The following MBTD1 variants were observed in gnomAD, a reference collection of about 807,000 sequenced individuals.
MBTD1 encodes the protein mbt domain containing 1.
In MBTD1, 24 loss-of-function variants were observed where a neutral mutation model predicts 87.8. The observed-to-expected ratio is 0.27, with a 90% CI of 0.20 to 0.38. The LOEUF (loss-of-function observed/expected upper bound fraction) is 0.38, where lower values mean the gene tolerates loss of function less well. MBTD1 is among the 10% of genes least tolerant of loss of function. The pLI is 1.00. For synonymous variants in MBTD1, 237 were observed against 248.6 expected (o/e 0.95, Z 0.44); for missense variants, 436 against 760.2 (o/e 0.57, Z 5.02).
At chr17:51,205,402 C>A (rs1167639876) in intron 7 of MBTD1, among the ~76,000 whole-genome samples, 2 of 152,182 alleles carry the variant, frequency 1.3e-5, no homozygotes, top group African/African-American at 2.4e-5. Flanking sequence ...ATAGTAAATG[C>A]ACTGATCTTA....
rs1491325264 is a variant in MBTD1, at chr17:51,179,482, T to TTATATATATATATA, written c.*1093_*1094insTATATATATATATA. ...AAATCCTGAATACAATTAAAGACAA[T>TTATATATATATATA]TTTATATATATATATATATATATAT... On this transcript the variant is annotated 3_prime_UTR_variant, in exon 17 of 17. Coordinates refer to ENST00000586178, the MANE Select transcript of MBTD1 (RefSeq NM_017643.3). The TTATATATATATATA allele has an allele frequency of 7.6e-4, 24 of 31,646 alleles. 1 individual carries two copies. Among genetic ancestry groups the TTATATATATATATA allele is most frequent in the African/African-American group, 3.0e-3 (17 of 5,718 alleles). 2.0% of individuals were successfully genotyped at this position (31,646 alleles called of 1,614,324 possible).
chr17:51,192,848 G>A lies in MBTD1; in HGVS notation c.1624C>T (p.Pro542Ser), dbSNP rs1450339598. Reference sequence around the variant, plus strand: ...CACCACCCTACAGGATAGAGGTCAGGTGACTCACAGTCTACCCACTGATCA... The same window carrying A: ...CACCACCCTACAGGATAGAGGTCAGATGACTCACAGTCTACCCACTGATCA... ...EYDQWVDCES[P>S]DLYPVGWCQL... The change falls in exon 15 of 17, where the codon CCT becomes TCT. Residue 542 changes from proline (P) to serine (S), a missense_variant. By Grantham distance (74) the Pro-to-Ser change is moderately conservative. This residue lies in a region of MBTD1 where 80 missense variants were observed against 182.2 expected (regional missense o/e 0.44). Coordinates refer to ENST00000586178, the MANE Select transcript of MBTD1 (RefSeq NM_017643.3). The A allele has an allele frequency of 1.2e-6, 2 of 1,614,014 alleles. No individual in the cohort carries two copies. Among genetic ancestry groups the A allele is most frequent in the African/African-American group, 2.7e-5 (2 of 74,922 alleles).
At chr17:51,249,656 G>T (rs1414839112) in intron 2 of MBTD1, 1 of 151,740 alleles carries the variant, frequency 6.6e-6, no homozygotes, top group Non-Finnish European at 1.5e-5. Flanking sequence ...TTATCATTAG[G>T]GTATGCATTA....
intron 2 of MBTD1, among the ~76,000 whole-genome samples, chr17:51,257,943 AC>A (rs1350758256): frequency 6.6e-6 from 1 of 152,010 alleles, no homozygotes; most frequent in Non-Finnish European, 1.5e-5. Flanking sequence ...CAAGGTACTC[AC>A]AAGCAATCAG....
intron 2 of MBTD1, among the ~76,000 whole-genome samples, chr17:51,243,598 TCAATATCTTTATAG>T (rs2054272983): frequency 6.6e-6 from 1 of 152,182 alleles, no homozygotes; most frequent in Admixed American, 6.5e-5. Flanking sequence ...TCCAACTGAC[TCAATATCTTTATAG>T]CATTTCCTCC....
intron 13 of MBTD1, 76 bp from the exon 14 acceptor site, chr17:51,193,586 G>T: frequency 1.2e-6 from 1 of 826,302 alleles, no homozygotes; most frequent in Non-Finnish European, 2.0e-6. Context: ...AAAAGTAACA[G>T]TACAAAAAAT....
intron 16 of MBTD1, among the ~76,000 whole-genome samples, chr17:51,187,865 A>ATT: frequency 1.6e-5 from 2 of 122,636 alleles, no homozygotes; most frequent in South Asian, 5.1e-4. Context: ...AAAGAAAGAA[A>ATT]GAAAAAAAAA....
chr17:51,247,122 A>G (rs546768955), intron 2 of MBTD1, among the ~76,000 whole-genome samples: 3 of 152,226 alleles, frequency 2.0e-5, no homozygotes, highest in Non-Finnish European at 4.4e-5. Context: ...TTGTATGTTA[A>G]GGAAGTATTC....
At chr17:51,214,496 T>C (rs369437313) in intron 6 of MBTD1, among the ~76,000 whole-genome samples, 4 of 152,160 alleles carry the variant, frequency 2.6e-5, no homozygotes, top group East Asian at 3.8e-4. Flanking sequence ...TCTATGATTT[T>C]AGAACTAATC....
intron 2 of MBTD1, among the ~76,000 whole-genome samples, chr17:51,234,869 G>C (rs2053747083): frequency 2.0e-5 from 3 of 151,642 alleles, no homozygotes; most frequent in Admixed American, 6.6e-5. Context: ...AATTTTTTTT[G>C]TATTTTCAGT....
chr17:51,238,297 T>C (rs2053964667), intron 2 of MBTD1, among the ~76,000 whole-genome samples: 1 of 152,150 alleles, frequency 6.6e-6, no homozygotes, highest in African/African-American at 2.4e-5. Flanking sequence ...TGGTAGAAAA[T>C]GTATTTTCAG....
At chr17:51,198,352 C>A (rs116700291) in intron 12 of MBTD1, among the ~76,000 whole-genome samples, 178 of 152,276 alleles carry the variant, frequency 1.2e-3, no homozygotes, top group African/African-American at 4.0e-3. Context: ...GATGACTTGA[C>A]CAAGTGTTTA....
At chr17:51,237,442 A>G (rs1377098896) in intron 2 of MBTD1, among the ~76,000 whole-genome samples, 1 of 152,220 alleles carries the variant, frequency 6.6e-6, no homozygotes, top group African/African-American at 2.4e-5. Context: ...CAGATTTGAT[A>G]AGGGGTTTGT....
chr17:51,228,571 G>A (rs1400041334), intron 2 of MBTD1, among the ~76,000 whole-genome samples: 3 of 146,458 alleles, frequency 2.0e-5, no homozygotes, highest in African/African-American at 7.6e-5. Context: ...CAGGCTTTGT[G>A]AGAAGTGAAA....
rs977966479 is a variant in MBTD1, at chr17:51,220,553, A to T, written c.155-90T>A. 6.3e-5 allele frequency: 80 copies of T among 1,266,814 alleles called. No homozygotes were observed. In the African/African-American group the frequency reaches 1.1e-3, roughly 17 times the overall value. The allele number at this position is 1,266,814 out of a possible 1,614,324, so 78.5% of individuals were successfully genotyped here. On this transcript the variant is annotated intron_variant, in intron 3 of 16. Transcript: ENST00000586178. ...TTTAAATAATTTCTCCTGCCATCTG[A>T]AAGTTTTAATTAAAAAATTTGCCTT... is the stretch of plus-strand genomic sequence containing the variant.
intron 6 of MBTD1, among the ~76,000 whole-genome samples, chr17:51,212,268 G>A (rs1206545131): frequency 6.6e-6 from 1 of 151,434 alleles, no homozygotes; most frequent in Non-Finnish European, 1.5e-5. Flanking sequence ...TGAGGCAAGA[G>A]AATTGATTGA....
At chr17:51,188,315 A>G (rs1199997470) in intron 16 of MBTD1, among the ~76,000 whole-genome samples, 1 of 152,210 alleles carries the variant, frequency 6.6e-6, no homozygotes, top group Non-Finnish European at 1.5e-5. Context: ...CTTATTCTCA[A>G]AAGTGTCAGT....
chr17:51,254,257 T>C (rs780083909), intron 2 of MBTD1, among the ~76,000 whole-genome samples: 14 of 152,180 alleles, frequency 9.2e-5, no homozygotes, highest in Non-Finnish European at 1.3e-4. Context: ...TATTATACTA[T>C]GAGGATGAAA....
chr17:51,211,376 G>A (rs565973095), intron 6 of MBTD1, among the ~76,000 whole-genome samples: 9 of 151,870 alleles, frequency 5.9e-5, no homozygotes, highest in East Asian at 1.9e-4. Flanking sequence ...GCATGGTGGT[G>A]TGTGCCTGTA....
Sources: allele counts gnomAD v4.1 joint callset (sites outside exome capture counted in the v4.1 genomes callset), GRCh38; gene constraint gnomAD v4.1.1; regional missense constraint gnomAD v4.1.1; transcripts MANE v1.5; gene names NCBI Gene and HGNC (gene_info 2026-07-23, HGNC 2026-07-21).